Variants in MKLN1 observed in about 807,000 individuals in gnomAD.
The protein encoded by MKLN1 is muskelin 1.
A neutral mutation model predicts 99.0 loss-of-function variants in MKLN1; 18 were observed. The observed-to-expected ratio is 0.18, with a 90% CI of 0.13 to 0.27. The LOEUF (loss-of-function observed/expected upper bound fraction) is 0.27. MKLN1 is among the 10% of genes least tolerant of loss of function. The probability of loss-of-function intolerance (pLI) is 1.00; values close to 1 mark genes in which losing one functional copy is unlikely to be tolerated. For missense variants in MKLN1, 621 were observed against 875.9 expected (o/e 0.71, Z 3.67); for synonymous variants, 288 against 293.2 (o/e 0.98, Z 0.18).
At chr7:131,400,977 C>A (rs1373009139) in intron 6 of MKLN1, among the ~76,000 whole-genome samples, 1 of 152,040 alleles carries the variant, frequency 6.6e-6, no homozygotes, top group Non-Finnish European at 1.5e-5. Context: ...CAGGGTTGTT[C>A]TCTTTGCTTC....
At chr7:131,459,678 C>T (rs187598290) in intron 12 of MKLN1, among the ~76,000 whole-genome samples, 78 of 151,834 alleles carry the variant, frequency 5.1e-4, no homozygotes, top group Non-Finnish European at 9.3e-4. Flanking sequence ...TTCTTTTCTT[C>T]GAGTTTTAAC....
chr7:131,125,420 T>C (rs1317993737), intron 1 of MKLN1, among the ~76,000 whole-genome samples: 1 of 152,194 alleles, frequency 6.6e-6, no homozygotes, highest in Non-Finnish European at 1.5e-5. Flanking sequence ...CTGCACCTGC[T>C]AACCTGACAT....
intron 2 of MKLN1, among the ~76,000 whole-genome samples, chr7:131,162,713 T>G (rs1204113059): frequency 1.3e-5 from 2 of 152,162 alleles, no homozygotes; most frequent in African/African-American, 4.8e-5. Flanking sequence ...TCCCAAGCAT[T>G]TCGAATAAGA....
At chr7:131,244,395 C>T (rs182384573) in intron 3 of MKLN1, among the ~76,000 whole-genome samples, 117 of 152,296 alleles carry the variant, frequency 7.7e-4, no homozygotes, top group African/African-American at 2.7e-3. Flanking sequence ...CCCATTTGAA[C>T]GTTTCAGCAG....
chr7:131,297,091 G>A (rs1441758035), intron 3 of MKLN1, among the ~76,000 whole-genome samples: 2 of 151,920 alleles, frequency 1.3e-5, no homozygotes, highest in East Asian at 1.9e-4. Flanking sequence ...GGTGGCTCAC[G>A]CCTGTAATCC....
chr7:131,446,696 C>CA (rs1426093985), intron 12 of MKLN1, among the ~76,000 whole-genome samples: 1 of 151,972 alleles, frequency 6.6e-6, no homozygotes, highest in African/African-American at 2.4e-5. Context: ...TCCTTTAAAA[C>CA]AAAAACAACA....
intron 10 of MKLN1, 148 bp downstream of exon 10, chr7:131,438,145 G>A: frequency 1.5e-6 from 1 of 652,716 alleles, no homozygotes; most frequent in East Asian, 2.8e-5. Context: ...GTTTCAGTAG[G>A]TATAAAGTTA....
chr7:131,394,240 T>A, intron 4 of MKLN1, among the ~76,000 whole-genome samples: 1 of 152,114 alleles, frequency 6.6e-6, no homozygotes, highest in East Asian at 1.9e-4. Flanking sequence ...TACATCCTTA[T>A]GGCTGGTTGC....
intron 2 of MKLN1, among the ~76,000 whole-genome samples, chr7:131,386,469 C>CA (rs1206411540): frequency 6.6e-6 from 1 of 152,278 alleles, no homozygotes; most frequent in Middle Eastern, 3.4e-3. Flanking sequence ...TCCAACAAAA[C>CA]ATCTGATTGG....
chr7:131,237,888 T>C (rs1480291839), intron 3 of MKLN1, among the ~76,000 whole-genome samples: 1 of 152,208 alleles, frequency 6.6e-6, no homozygotes, highest in Non-Finnish European at 1.5e-5. Flanking sequence ...AGCTCAGATC[T>C]ATAATTTCAG....
At chr7:131,346,201 A>AGAAC (rs1319954628) in intron 1 of MKLN1, among the ~76,000 whole-genome samples, 2 of 152,360 alleles carry the variant, frequency 1.3e-5, no homozygotes, top group Admixed American at 1.3e-4. Context: ...TACTTTTAAA[A>AGAAC]GAACACATAT....
At chr7:131,168,499 C>G (rs1451342766) in intron 2 of MKLN1, among the ~76,000 whole-genome samples, 2 of 152,210 alleles carry the variant, frequency 1.3e-5, no homozygotes, top group African/African-American at 2.4e-5. Flanking sequence ...CTATTTTTCT[C>G]ATCCTAGCTA....
rs143150316 is a variant in MKLN1 at position 131,239,516 on chromosome 7, C to T, written c.-179+36542C>T. ...ATTTTTTATAGAGACAGGGGTCTTG[C>T]TAGGTTGCCCAGACTGATCTCAAAC... On this transcript the variant is annotated intron_variant, in intron 3 of 7. Coordinates refer to the MKLN1 transcript ENST00000416992. 2.3e-3 allele frequency among the ~76,000 whole-genome samples: 350 copies of T among 152,212 alleles called. 1 individual carries two copies. The highest frequency in any genetic ancestry group is 8.0e-3 in the African/African-American group (332 of 41,546).
In MKLN1 at chr7:131,283,352, CCTTCCTTCCTTCCTTCCTT is replaced by C. The variant is rs1563278457; in HGVS notation, c.-179+80380_-179+80398del. ...CTCCTTCCCTTCCCTTCCCCTCCTT[CCTTCCTTCCTTCCTTCCTT>C]CCTTCCTTCCTTCCTTCCTTCCTTC... On this transcript the variant is annotated intron_variant, in intron 3 of 7. Transcript: ENST00000416992. 2.1e-4 allele frequency among the ~76,000 whole-genome samples: 8 copies of C among 37,904 alleles called. 1 individual carries two copies. Among genetic ancestry groups the C allele is most frequent in the Admixed American group, 1.7e-3 (7 of 4,200 alleles). 24.9% of individuals were successfully genotyped at this position (37,904 alleles called of 152,430 possible).
intron 1 of MKLN1, among the ~76,000 whole-genome samples, chr7:131,328,374 A>G (rs534325012): frequency 3.3e-5 from 5 of 152,178 alleles, no homozygotes; most frequent in Non-Finnish European, 7.3e-5. Context: ...ACTACCCCGA[A>G]TGTCTGAGGT....
At position 131,489,415 on chromosome 7, in the gene MKLN1, C is replaced by A. The variant is rs1797368523; in HGVS notation, c.*1687C>A. The A allele has an allele frequency of 2.0e-5, 3 of 152,088 alleles. No homozygotes were observed. Among genetic ancestry groups the A allele is most frequent in the Admixed American group, 2.0e-4 (3 of 15,260 alleles). 9.4% of individuals were successfully genotyped at this position (152,088 alleles called of 1,614,324 possible). A position where few individuals can be genotyped will look rare whatever the true frequency, so the allele number is the denominator to read the frequency against. Reference sequence around the variant, plus strand: ...CCAACTTGTGTAGCTGCAGAATAACCAAGTGGCTATCCAGTCAAGTAAATA... The same window carrying A: ...CCAACTTGTGTAGCTGCAGAATAACAAAGTGGCTATCCAGTCAAGTAAATA... On this transcript the variant is annotated 3_prime_UTR_variant, in exon 18 of 18. Transcript: ENST00000352689.
chr7:131,138,158 C>T (rs1256903035), intron 1 of MKLN1, among the ~76,000 whole-genome samples: 2 of 149,848 alleles, frequency 1.3e-5, no homozygotes, highest in Admixed American at 6.7e-5. Flanking sequence ...CTCCAAACCT[C>T]GGGTGATCTA....
At chr7:131,207,263 G>A (rs1293109149) in intron 3 of MKLN1, among the ~76,000 whole-genome samples, 1 of 152,110 alleles carries the variant, frequency 6.6e-6, no homozygotes, top group Non-Finnish European at 1.5e-5. Context: ...CTGGAGTGCA[G>A]TGGTGTGATT....
chr7:131,230,717 G>A (rs559476475), intron 3 of MKLN1, among the ~76,000 whole-genome samples: 1 of 152,252 alleles, frequency 6.6e-6, no homozygotes, highest in South Asian at 2.1e-4. Flanking sequence ...CAATTGCCCT[G>A]TGCCTTCCTT....
Sources: gnomAD v4.1 joint callset for allele counts (sites outside exome capture counted in the v4.1 genomes callset) on GRCh38, gnomAD v4.1.1 for gene constraint, MANE v1.5 for transcripts, NCBI Gene and HGNC (gene_info 2026-07-23, HGNC 2026-07-21) for gene names.